The following FAM117A variants were observed in gnomAD, a reference collection of about 807,000 sequenced individuals.
FAM117A encodes the protein protein FAM117A.
A neutral mutation model predicts 44.1 loss-of-function variants in FAM117A; 21 were observed. That is an observed-to-expected ratio of 0.48 (90% CI 0.34 to 0.69). The LOEUF (loss-of-function observed/expected upper bound fraction) is 0.69, where lower values mean the gene tolerates loss of function less well. Among genes scored for constraint, FAM117A ranks in the 30% least tolerant of loss-of-function variants. FAM117A has a pLI of 0.01. For missense variants in FAM117A, 498 were observed against 589.9 expected, an observed-to-expected ratio of 0.84 and a Z score of 1.61; for synonymous variants, 220 against 238.3, an observed-to-expected ratio of 0.92 and a Z score of 0.71.
chr17:49,722,305 G>T (rs112413863), intron 3 of FAM117A, among the ~76,000 whole-genome samples, 194 bp downstream of exon 3: 3,826 of 152,296 alleles, frequency 0.025, 74 homozygotes, highest in Non-Finnish European at 0.042. Context: ...CCTAGCAGGA[G>T]GGTCTGGGCT....
intron 1 of FAM117A, among the ~76,000 whole-genome samples, chr17:49,759,571 A>G (rs546789013): frequency 6.6e-6 from 1 of 152,296 alleles, no homozygotes; most frequent in East Asian, 1.9e-4. Context: ...CTTGGCATAG[A>G]ACGGTTGGAA....
In FAM117A at chr17:49,773,971, G is replaced by C. The variant is rs556615486; in HGVS notation, c.-621+14526C>G. On this transcript the variant is annotated intron_variant, in intron 1 of 7. Transcript: ENST00000513602. ...ATTTTTCCATGTTGGTCAGGTTGGT[G>C]TCAAATTCCCGACCTCAGGCAATCT... is the stretch of plus-strand genomic sequence containing the variant. Among the ~76,000 whole-genome samples the C allele has an allele frequency of 2.6e-5, 4 of 152,206 alleles. No individual in the cohort carries two copies. In the South Asian group the frequency reaches 6.2e-4, roughly 24 times the overall value.
intron 1 of FAM117A, 45 bp downstream of exon 1, chr17:49,763,847 C>T: frequency 2.9e-6 from 3 of 1,023,962 alleles, no homozygotes; most frequent in Non-Finnish European, 3.7e-6. Context: ...CGCCCCCCCT[C>T]CCCCAATGGC....
chr17:49,784,138 A>G (rs2073798381), intron 1 of FAM117A, among the ~76,000 whole-genome samples: 1 of 152,262 alleles, frequency 6.6e-6, no homozygotes, highest in Admixed American at 6.5e-5. Flanking sequence ...TATGGTACCT[A>G]TAATTTTACT....
rs547833323 is a variant in FAM117A, at chr17:49,745,027, A to C, written c.197-12307T>G. Among the ~76,000 whole-genome samples, 17 of 151,362 alleles carry C rather than the reference A, an allele frequency of 1.1e-4. No homozygotes were observed. The South Asian group carries it at 1.7e-3, about 15-fold the overall frequency. ...AGACTCTGTCTCAAAAAAAAAAAAA[A>C]AAAAAACACACACACACACAAGAAA... On this transcript the variant is annotated intron_variant, in intron 1 of 7. Transcript: ENST00000240364.
At chr17:49,777,212 G>C (rs1323922129) in intron 1 of FAM117A, among the ~76,000 whole-genome samples, 1 of 152,162 alleles carries the variant, frequency 6.6e-6, no homozygotes, top group South Asian at 2.1e-4. Context: ...GGGTAGGGGT[G>C]GGGGAATAGG....
intron 1 of FAM117A, among the ~76,000 whole-genome samples, chr17:49,754,845 C>A (rs2073691918): frequency 4.0e-5 from 6 of 151,694 alleles, no homozygotes; most frequent in Admixed American, 3.9e-4. Flanking sequence ...TCGAGACCAG[C>A]CTGACCAACA....
intron 1 of FAM117A, among the ~76,000 whole-genome samples, chr17:49,780,888 T>C (rs2073787688): frequency 6.6e-6 from 1 of 152,226 alleles, no homozygotes; most frequent in Non-Finnish European, 1.5e-5. Flanking sequence ...TGGAGTGGAA[T>C]GGCACAATCT....
intron 1 of FAM117A, among the ~76,000 whole-genome samples, chr17:49,760,908 T>C (rs1285818287): frequency 6.6e-6 from 1 of 152,256 alleles, no homozygotes; most frequent in Non-Finnish European, 1.5e-5. Flanking sequence ...TTAGCTTTTT[T>C]AGAGTTATCT....
chr17:49,787,486 T>A (rs937662480), intron 1 of FAM117A, among the ~76,000 whole-genome samples: 2 of 152,080 alleles, frequency 1.3e-5, no homozygotes, highest in African/African-American at 2.4e-5. Context: ...ATCTTTAGAG[T>A]TCTTTACTTA....
intron 1 of FAM117A, among the ~76,000 whole-genome samples, chr17:49,770,432 T>G (rs1326103109): frequency 6.6e-6 from 1 of 152,186 alleles, no homozygotes; most frequent in Non-Finnish European, 1.5e-5. Flanking sequence ...TCCATGTATA[T>G]GAAATGTCCA....
intron 1 of FAM117A, among the ~76,000 whole-genome samples, chr17:49,757,462 G>A (rs367997205): frequency 3.3e-5 from 5 of 152,288 alleles, no homozygotes; most frequent in African/African-American, 1.2e-4. Flanking sequence ...TGCAAGGCTT[G>A]GCATTCAGCT....
chr17:49,732,958 G>C (rs1444463007), intron 1 of FAM117A: 5 of 517,326 alleles, frequency 9.7e-6, no homozygotes, highest in Non-Finnish European at 1.7e-5. Context: ...TTTGGACTTG[G>C]ATGTTACTTT....
upstream of FAM117A, among the ~76,000 whole-genome samples, chr17:49,767,360 G>A (rs528070059): frequency 1.8e-4 from 27 of 152,224 alleles, no homozygotes; most frequent in South Asian, 2.9e-3. Flanking sequence ...CAACATCATC[G>A]CCATTAATTA....
Position 49,776,960 on chromosome 17 carries a change from C to T in FAM117A, c.-621+11537G>A, listed in dbSNP as rs573491811. Among the ~76,000 whole-genome samples the T allele has an allele frequency of 3.9e-5, 6 of 152,358 alleles. No homozygotes were observed. In the South Asian group the frequency reaches 1.2e-3, roughly 32 times the overall value. On this transcript the variant is annotated intron_variant, in intron 1 of 7. Coordinates refer to the FAM117A transcript ENST00000513602. ...AAAATTCAAAAGAGAAAAAGACTCA[C>T]TCCTTGACTCTGTCTCCCCACCTCT...
chr17:49,743,675 G>A (rs533873379), intron 1 of FAM117A, among the ~76,000 whole-genome samples: 94 of 152,146 alleles, frequency 6.2e-4, no homozygotes, highest in Admixed American at 1.8e-3. Flanking sequence ...CTTGCAGTGA[G>A]CCGAGATCGT....
At chr17:49,724,423 G>C (rs753969711) in intron 2 of FAM117A, 1 of 456,256 alleles carries the variant, frequency 2.2e-6, no homozygotes, top group South Asian at 1.5e-5. Flanking sequence ...GGAAAAAACA[G>C]CCACATTCAG....
intron 1 of FAM117A, among the ~76,000 whole-genome samples, chr17:49,763,332 G>T (rs936484892): frequency 4.6e-5 from 7 of 152,104 alleles, no homozygotes; most frequent in African/African-American, 1.7e-4. Context: ...ATCAGTTCCA[G>T]GAGGTGGCAT....
upstream of FAM117A, chr17:49,788,769 G>A: frequency 4.5e-6 from 7 of 1,540,068 alleles, no homozygotes; most frequent in Non-Finnish European, 6.1e-6. Flanking sequence ...GGAGCCCGCC[G>A]GAGCCACCGT....
Sources: allele counts gnomAD v4.1 joint callset (sites outside exome capture counted in the v4.1 genomes callset), GRCh38; gene constraint gnomAD v4.1.1; transcripts MANE v1.5; gene names NCBI Gene and HGNC (gene_info 2026-07-23, HGNC 2026-07-21).